The following DNAJC1 variants were observed in gnomAD, a reference collection of about 807,000 sequenced individuals.
DNAJC1 encodes DnaJ heat shock protein family (Hsp40) member C1, also known as dnaJ homolog subfamily C member 1.
In DNAJC1, 58 loss-of-function variants were observed where a neutral mutation model predicts 76.6. That is an observed-to-expected ratio of 0.76 (90% confidence interval 0.61 to 0.94). DNAJC1 has a LOEUF of 0.94. Among genes scored for constraint, DNAJC1 ranks in the 40% least tolerant of loss-of-function variants. The pLI is 0.00. For missense variants in DNAJC1, 689 were observed against 677.3 expected (o/e 1.02, Z -0.19); for synonymous variants, 258 against 267.9 (o/e 0.96, Z 0.36).
At chr10:21,877,624 C>G (rs895399008) in intron 8 of DNAJC1, among the ~76,000 whole-genome samples, 11 of 152,194 alleles carry the variant, frequency 7.2e-5, no homozygotes, top group African/African-American at 2.7e-4. Flanking sequence ...TTAGGTATCA[C>G]TGCATACTTA....
chr10:21,975,332 A>AATAC (rs1590075202), intron 1 of DNAJC1, among the ~76,000 whole-genome samples: 3 of 152,126 alleles, frequency 2.0e-5, no homozygotes, highest in African/African-American at 7.2e-5. Flanking sequence ...TAAATAAATA[A>AATAC]ATAAATGAGA....
chr10:21,969,369 A>C (rs1290538885), intron 1 of DNAJC1, among the ~76,000 whole-genome samples: 2 of 152,200 alleles, frequency 1.3e-5, no homozygotes, highest in African/African-American at 4.8e-5. Context: ...AATAGGTATA[A>C]AAAATAAATT....
rs538802762 is a variant in DNAJC1, at chr10:21,840,053, G to C, written c.979-33954C>G. ...AAGGCCTTTGACAAAATTCAACAAC[G>C]CTTCATGCTAAAAACTCTCAATAAA... On this transcript the variant is annotated intron_variant, in intron 8 of 11. Transcript: ENST00000376980. 4.4e-3 allele frequency among the ~76,000 whole-genome samples: 665 copies of C among 152,122 alleles called. 6 individuals are homozygous for C. The highest frequency in any genetic ancestry group is 0.015 in the African/African-American group (620 of 41,502).
At chr10:21,985,468 C>T (rs568912263) in intron 1 of DNAJC1, among the ~76,000 whole-genome samples, 4 of 152,076 alleles carry the variant, frequency 2.6e-5, no homozygotes, top group Non-Finnish European at 4.4e-5. Flanking sequence ...AGGCTGATCC[C>T]GAACTCCTGA....
intron 1 of DNAJC1, among the ~76,000 whole-genome samples, chr10:21,979,095 G>A (rs1438155083): frequency 6.6e-6 from 1 of 150,694 alleles, no homozygotes; most frequent in African/African-American, 2.4e-5. Context: ...TTTTTTTAAT[G>A]ATCCAAGATA....
At chr10:21,792,881 T>C (rs1315904456) in intron 9 of DNAJC1, among the ~76,000 whole-genome samples, 4 of 152,022 alleles carry the variant, frequency 2.6e-5, no homozygotes, top group Non-Finnish European at 5.9e-5. Flanking sequence ...TACTATGCCA[T>C]ATTAATAAAA....
intron 5 of DNAJC1, among the ~76,000 whole-genome samples, chr10:21,919,219 T>C (rs1837000808): frequency 6.6e-6 from 1 of 152,002 alleles, no homozygotes; most frequent in African/African-American, 2.4e-5. Context: ...TTACTTCAGC[T>C]ATAAAAAACT....
chr10:21,838,050 G>A (rs1163529627), intron 8 of DNAJC1, among the ~76,000 whole-genome samples: 1 of 149,432 alleles, frequency 6.7e-6, no homozygotes, highest in Admixed American at 6.6e-5. Context: ...GGAGGTGGGG[G>A]GCGCCTCTGC....
At chr10:21,886,113 CA>C (rs1564817463) in intron 7 of DNAJC1, among the ~76,000 whole-genome samples, 1 of 151,274 alleles carries the variant, frequency 6.6e-6, no homozygotes, top group Non-Finnish European at 1.5e-5. Flanking sequence ...GAGAAAACCC[CA>C]AAAACCACAA....
intron 8 of DNAJC1, among the ~76,000 whole-genome samples, chr10:21,835,181 T>C (rs1425104886): frequency 6.6e-6 from 1 of 152,190 alleles, no homozygotes; most frequent in Non-Finnish European, 1.5e-5. Context: ...ATATCCGCTG[T>C]TCTGCAGCCA....
chr10:21,930,150 ATTT>A (rs1263074238), intron 1 of DNAJC1, among the ~76,000 whole-genome samples: 2 of 152,102 alleles, frequency 1.3e-5, no homozygotes, highest in African/African-American at 2.4e-5. Flanking sequence ...TAATTTTTGT[ATTT>A]TTAGTAGAAA....
rs1023822385 is a variant in DNAJC1, at chr10:21,919,936, G to A, written c.538-7C>T. 1.5e-5 allele frequency: 23 copies of A among 1,553,008 alleles called. No individual in the cohort carries two copies. The highest frequency in any genetic ancestry group is 1.9e-5 in the Non-Finnish European group (22 of 1,139,042). ...TTCTACTTAGTAGTTCATCCTTAATGTGGAAAGAATTATGGTTACAGGTTA... is the reference window on the plus strand; with the variant it reads ...TTCTACTTAGTAGTTCATCCTTAATATGGAAAGAATTATGGTTACAGGTTA... On this transcript the variant is annotated splice_region_variant and splice_polypyrimidine_tract_variant and intron_variant, in intron 4 of 11. Coordinates refer to ENST00000376980, the MANE Select transcript of DNAJC1 (RefSeq NM_022365.4).
chr10:21,782,195 A>C (rs1437658614), intron 9 of DNAJC1, among the ~76,000 whole-genome samples: 1 of 152,234 alleles, frequency 6.6e-6, no homozygotes, highest in African/African-American at 2.4e-5. Flanking sequence ...GCAATAAAAA[A>C]TGATAAAGGG....
At chr10:21,899,361 C>T in intron 7 of DNAJC1, among the ~76,000 whole-genome samples, 1 of 152,232 alleles carries the variant, frequency 6.6e-6, no homozygotes, top group East Asian at 1.9e-4. Context: ...GGCCCCACTT[C>T]TATGGCACCT....
At position 21,771,561 on chromosome 10, in the gene DNAJC1, C is replaced by T. The variant is rs139571898; in HGVS notation, c.1099-5252G>A. Among the ~76,000 whole-genome samples, 872 of 152,230 alleles carry T rather than the reference C, an allele frequency of 5.7e-3. 8 individuals carry two copies. The highest frequency in any genetic ancestry group is 0.02 in the African/African-American group (825 of 41,538). On this transcript the variant is annotated intron_variant, in intron 9 of 11. Coordinates refer to ENST00000376980, the MANE Select transcript of DNAJC1 (RefSeq NM_022365.4). ...TTGCCCAGGCTGCAGTGCAATGGCA[C>T]GATCTCGGCTGACTGCAACCTCTGC...
chr10:21,957,652 T>G (rs566892463), intron 1 of DNAJC1, among the ~76,000 whole-genome samples: 1 of 152,198 alleles, frequency 6.6e-6, no homozygotes, highest in Non-Finnish European at 1.5e-5. Flanking sequence ...TAGGCTTTAC[T>G]CATCTTTTTT....
intron 1 of DNAJC1, among the ~76,000 whole-genome samples, chr10:21,960,171 G>C (rs1564838908): frequency 6.6e-6 from 1 of 152,074 alleles, no homozygotes; most frequent in Non-Finnish European, 1.5e-5. Flanking sequence ...AGCCTCCAAT[G>C]GTTTTCCATT....
intron 8 of DNAJC1, among the ~76,000 whole-genome samples, chr10:21,822,440 A>AATAC (rs1419173813): frequency 2.8e-4 from 1 of 3,548 alleles, no homozygotes; most frequent in African/African-American, 1.3e-3. Flanking sequence ...CTCCGACTCA[A>AATAC]ATAAATAAAT....
intron 1 of DNAJC1, among the ~76,000 whole-genome samples, chr10:21,947,906 C>T (rs1391708080): frequency 6.6e-6 from 1 of 152,084 alleles, no homozygotes; most frequent in Non-Finnish European, 1.5e-5. Flanking sequence ...TTACATTTGA[C>T]TTTTGACCAA....
Sources: gnomAD v4.1 joint callset for allele counts (sites outside exome capture counted in the v4.1 genomes callset) on GRCh38, gnomAD v4.1.1 for gene constraint, MANE v1.5 for transcripts, NCBI Gene and HGNC (gene_info 2026-07-23, HGNC 2026-07-21) for gene names.